The following RABL2B variants were observed in gnomAD, a reference collection of about 807,000 sequenced individuals.
The protein encoded by RABL2B is rab-like protein 2B.
In RABL2B, 17 loss-of-function variants were observed where a neutral mutation model predicts 26.7. That is an observed-to-expected ratio of 0.64 (90% CI 0.44 to 0.95). RABL2B has a LOEUF of 0.95. Among genes scored for constraint, RABL2B ranks in the 40% least tolerant of loss-of-function variants. The probability of loss-of-function intolerance (pLI) is 0.00; values close to 1 mark genes in which losing one functional copy is unlikely to be tolerated. For missense variants in RABL2B, 170 were observed against 277.2 expected (o/e 0.61, Z 2.75); for synonymous variants, 70 against 103.9 (o/e 0.67, Z 1.99).
chr22:50,779,974 C>G (rs1250601693), intron 2 of RABL2B, among the ~76,000 whole-genome samples: 2 of 152,090 alleles, frequency 1.3e-5, no homozygotes, highest in African/African-American at 2.4e-5. Flanking sequence ...GAGCAAGACT[C>G]TGTCTCCAAA....
rs1291340941 is a variant in RABL2B, at chr22:50,781,271, G to A, written c.107+917C>T. ...TGGCAGGAGAATGGCGTGAACCCGGGAGGCGGAGCTTGCAGTGAGCCGAGA... is the reference window on the plus strand; with the variant it reads ...TGGCAGGAGAATGGCGTGAACCCGGAAGGCGGAGCTTGCAGTGAGCCGAGA... On this transcript the variant is annotated intron_variant, in intron 2 of 8. Transcript: ENST00000691320. Among the ~76,000 whole-genome samples the A allele has an allele frequency of 4.0e-5, 6 of 151,578 alleles. No homozygotes were observed. In the East Asian group the frequency reaches 9.7e-4, roughly 24 times the overall value.
chr22:50,782,529 T>C (rs1183263019), intron 1 of RABL2B, among the ~76,000 whole-genome samples, 182 bp from the exon 2 acceptor site: 1 of 152,168 alleles, frequency 6.6e-6, no homozygotes, highest in East Asian at 1.9e-4. Flanking sequence ...TATACACAAA[T>C]AGTTAAGTCC....
intron 2 of RABL2B, among the ~76,000 whole-genome samples, chr22:50,778,986 G>A (rs1172339631): frequency 2.0e-5 from 3 of 150,994 alleles, no homozygotes; most frequent in Non-Finnish European, 4.4e-5. Flanking sequence ...CTTAGATCAC[G>A]TAGAAAATTA....
rs1455285226 is a variant in RABL2B at position 50,777,995 on chromosome 22, A to G, written c.108-14T>C. On this transcript the variant is annotated splice_polypyrimidine_tract_variant and intron_variant, in intron 2 of 8. Transcript: ENST00000691320. ...CTCTCCATGAGTCTGTAAGCAGAAC[A>G]GGCAAGGTGGTCAGATGGCGTCTCC... 1.5e-5 allele frequency: 24 copies of G among 1,613,992 alleles called. No individual in the cohort carries two copies. The highest frequency in any genetic ancestry group is 1.9e-5 in the Non-Finnish European group (23 of 1,180,022).
At position 50,773,743 on chromosome 22, in the gene RABL2B, C is replaced by T. The variant is rs531896020; in HGVS notation, c.297+2029G>A. On this transcript the variant is annotated intron_variant, in intron 5 of 8. Transcript: ENST00000691320. ...GAACAGAGCAGCTCCTTCTGCATCCCCTCTGCTATTGCTTCTTACAGATGA... is the reference window on the plus strand; with the variant it reads ...GAACAGAGCAGCTCCTTCTGCATCCTCTCTGCTATTGCTTCTTACAGATGA... 5.7e-4 allele frequency among the ~76,000 whole-genome samples: 86 copies of T among 151,376 alleles called. 2 individuals are homozygous for T. Among genetic ancestry groups the T allele is most frequent in the Non-Finnish European group, 1.0e-3 (69 of 67,946 alleles).
intron 5 of RABL2B, chr22:50,771,476 C>G (rs2147023405): frequency 6.6e-6 from 1 of 151,820 alleles, no homozygotes; most frequent in Middle Eastern, 3.4e-3. Context: ...AGGGTTTCAT[C>G]ATGTTGGCCA....
intron 3 of RABL2B, 150 bp downstream of exon 3, chr22:50,777,802 C>T: frequency 1.6e-6 from 2 of 1,255,292 alleles, no homozygotes; most frequent in Non-Finnish European, 2.3e-6. Flanking sequence ...GGTCAATCGG[C>T]AAGAAACAAG....
At chr22:50,777,115 C>T (rs1459362398) in intron 3 of RABL2B, among the ~76,000 whole-genome samples, 1 of 152,188 alleles carries the variant, frequency 6.6e-6, no homozygotes, top group African/African-American at 2.4e-5. Context: ...GAAACCCTAA[C>T]CCTAGGTAGC....
intron 5 of RABL2B, chr22:50,772,490 A>T (rs1434692097): frequency 1.0e-6 from 1 of 989,824 alleles, no homozygotes; most frequent in African/African-American, 1.7e-5. Flanking sequence ...CTAGTACAAC[A>T]GTCAGTGGAT....
chr22:50,773,668 G>T (rs1555920787), intron 5 of RABL2B, among the ~76,000 whole-genome samples: 1 of 151,532 alleles, frequency 6.6e-6, no homozygotes, highest in Admixed American at 6.5e-5. Context: ...GGGAGAGGCT[G>T]AGGGAAGAGC....
chr22:50,776,397 T>C (rs557742955), intron 4 of RABL2B, among the ~76,000 whole-genome samples: 3 of 152,290 alleles, frequency 2.0e-5, no homozygotes, highest in Admixed American at 6.5e-5. Context: ...TTCCCTGAGG[T>C]GGGTACAGCC....
At chr22:50,775,999 G>A (rs559140322) in intron 4 of RABL2B, 148 bp from the exon 5 acceptor site, 27 of 909,744 alleles carry the variant, frequency 3.0e-5, no homozygotes, top group African/African-American at 1.7e-4. Flanking sequence ...AGCCCCACAC[G>A]TGTGTCTTCA....
At chr22:50,780,397 C>CTTTTTTTTTTT (rs149044797) in intron 2 of RABL2B, among the ~76,000 whole-genome samples, 1 of 122,250 alleles carries the variant, frequency 8.2e-6, no homozygotes. Flanking sequence ...CAAGTGTTAA[C>CTTTTTTTTTTT]TTTTTTTTTT....
chr22:50,780,337 C>G lies in RABL2B; in HGVS notation c.107+1851G>C, dbSNP rs373516916. 3.4e-3 allele frequency among the ~76,000 whole-genome samples: 510 copies of G among 151,596 alleles called. 8 individuals are homozygous for G. The highest frequency in any genetic ancestry group is 0.012 in the African/African-American group (484 of 41,308). On this transcript the variant is annotated intron_variant, in intron 2 of 8. Transcript: ENST00000691320. ...AAGGCCGCACTGCCACAACATTGCT[C>G]TCTAGAAATGAGGCCGTGTACAACT...
chr22:50,782,009 C>T (rs2085962116), intron 2 of RABL2B, among the ~76,000 whole-genome samples, 179 bp downstream of exon 2: 1 of 151,638 alleles, frequency 6.6e-6, no homozygotes, highest in African/African-American at 2.4e-5. Context: ...CTGCCCCCTC[C>T]ACCTGACACA....
intron 5 of RABL2B, chr22:50,772,931 C>T: frequency 4.9e-6 from 6 of 1,218,232 alleles, no homozygotes; most frequent in Non-Finnish European, 6.3e-6. Context: ...GTCTCTGACC[C>T]TCAGCTCCCC....
chr22:50,777,012 C>T (rs1430548618), intron 3 of RABL2B, among the ~76,000 whole-genome samples: 18 of 152,280 alleles, frequency 1.2e-4, no homozygotes, highest in African/African-American at 4.3e-4. Context: ...CAGGATTTTA[C>T]AGACAAGTGT....
At chr22:50,770,140 G>T (rs148425445) in intron 5 of RABL2B, 124 bp from the exon 6 acceptor site, 99,617 of 1,533,814 alleles carry the variant, frequency 0.065, 4,957 homozygotes, top group African/African-American at 0.26. Flanking sequence ...GGAACGCTCT[G>T]AATTGCAGCC....
Position 50,782,338 on chromosome 22 carries a change from G to T in RABL2B, c.-44C>A, listed in dbSNP as rs553261839. On this transcript the variant is annotated 5_prime_UTR_variant, in exon 2 of 9. Coordinates refer to ENST00000691320, the MANE Select transcript of RABL2B (RefSeq NM_001130919.3). The stretch of plus-strand genomic sequence containing the variant: ...AGGGGTCCAGCCCAAGGGAGGGGAG[G>T]GTATTGTCACTGTCTGGGAAGATCA... 68 of 1,165,472 alleles carry T rather than the reference G, an allele frequency of 5.8e-5. No individual in the cohort carries two copies. The Admixed American group carries it at 1.9e-3, about 33-fold the overall frequency. 72.2% of individuals were successfully genotyped at this position (1,165,472 alleles called of 1,614,324 possible).
Sources: allele counts gnomAD v4.1 joint callset (sites outside exome capture counted in the v4.1 genomes callset), GRCh38; gene constraint gnomAD v4.1.1; transcripts MANE v1.5; gene names NCBI Gene and HGNC (gene_info 2026-07-23, HGNC 2026-07-21).